TRPM2: variants seen among roughly 807,000 people sequenced by gnomAD.
TRPM2 encodes transient receptor potential cation channel subfamily M member 2.
Under a neutral mutation model 174.0 loss-of-function variants are expected in TRPM2, and 161 were observed. The ratio of observed to expected loss-of-function variants is 0.93; its 90% CI spans 0.81 to 1.05. The LOEUF is 1.05. Among genes scored for constraint, TRPM2 ranks in the 50% least tolerant of loss-of-function variants. The pLI is 0.00. For synonymous variants in TRPM2, 954 were observed against 861.3 expected, an observed-to-expected ratio of 1.11 and a Z score of -1.88; for missense variants, 2,057 against 2,038.0, an observed-to-expected ratio of 1.01 and a Z score of -0.18.
chr21:44,379,324 G>C (rs1377791754), intron 8 of TRPM2, 127 bp downstream of exon 8: 1 of 1,127,930 alleles, frequency 8.9e-7, no homozygotes, highest in Non-Finnish European at 1.3e-6. Flanking sequence ...GGGTGCCAGA[G>C]CGATTTGCAG....
intron 11 of TRPM2, among the ~76,000 whole-genome samples, chr21:44,393,251 A>G (rs1602203759): frequency 6.6e-6 from 1 of 151,826 alleles, no homozygotes; most frequent in East Asian, 1.9e-4. Context: ...GGGAGTATTT[A>G]TCTCTGATTC....
chr21:44,350,972 C>G (rs1041060836), upstream of TRPM2, among the ~76,000 whole-genome samples: 8 of 152,166 alleles, frequency 5.3e-5, no homozygotes, highest in African/African-American at 1.9e-4. Context: ...GTCTCCGAAG[C>G]GCTGGCTTTC....
chr21:44,359,761 T>A (rs934934608), intron 2 of TRPM2, among the ~76,000 whole-genome samples: 3 of 149,174 alleles, frequency 2.0e-5, no homozygotes, highest in African/African-American at 7.6e-5. Flanking sequence ...ATATATATTT[T>A]TTTTGAGACG....
At chr21:44,379,287 G>C (rs1004192058) in intron 8 of TRPM2, 90 bp downstream of exon 8, 2 of 1,453,622 alleles carry the variant, frequency 1.4e-6, no homozygotes, top group Admixed American at 3.6e-5. Context: ...CTCATGGACC[G>C]ATGCGGAGAA....
At chr21:44,404,258 TACAC>T (rs1333681664) in intron 16 of TRPM2, among the ~76,000 whole-genome samples, 8 of 151,142 alleles carry the variant, frequency 5.3e-5, no homozygotes, top group South Asian at 2.1e-4. Context: ...CATGCATACA[TACAC>T]AATACATGCA....
chr21:44,439,280 C>A lies in TRPM2; in HGVS notation c.4269+112C>A. ...CACCACTGGGTGGCAGCGGTCCCAC[C>A]CAGCTTCACCAGGTGACGGTGGTCC... On this transcript the variant is annotated intron_variant, in intron 30 of 31. Transcript: ENST00000397928. This position sits in a 1 kb window ranked among gnomAD's most constrained non-coding sequence, Gnocchi z 5.1. The A allele has an allele frequency of 1.1e-6, 1 of 906,008 alleles. No homozygotes were observed. Among genetic ancestry groups the A allele is most frequent in the Non-Finnish European group, 1.7e-6 (1 of 581,320 alleles). The allele number at this position is 906,008 out of a possible 1,614,324, so 56.1% of individuals were successfully genotyped here. A position where few individuals can be genotyped will look rare whatever the true frequency, so the allele number is the denominator to read the frequency against.
intron 31 of TRPM2, among the ~76,000 whole-genome samples, chr21:44,441,117 CCTGGGGCCCAGGGCCAGAAA>C (rs2051488762): frequency 6.6e-6 from 1 of 152,146 alleles, no homozygotes; most frequent in Non-Finnish European, 1.5e-5. Context: ...TGGCCGTGCT[CCTGGGGCCCAGGGCCAGAAA>C]CTGGAGGCTA....
At chr21:44,414,265 C>T (rs967718131) in intron 20 of TRPM2, among the ~76,000 whole-genome samples, 191 bp downstream of exon 20, 4 of 152,158 alleles carry the variant, frequency 2.6e-5, no homozygotes, top group Non-Finnish European at 5.9e-5. Context: ...CTTGAGCTGG[C>T]GTGAGTCTGT....
At position 44,407,584 on chromosome 21, in the gene TRPM2, C is replaced by T. The variant is rs1391022179; in HGVS notation, c.2962+819C>T. Among the ~76,000 whole-genome samples the T allele has an allele frequency of 2.0e-5, 3 of 150,538 alleles. No homozygotes were observed. In the Admixed American group the frequency reaches 2.0e-4, roughly 10 times the overall value. ...AACATCTGCATCACCCTGAAAAGAC[C>T]CTGCATACTCACAGTCACTCCCGTT... On this transcript the variant is annotated intron_variant, in intron 19 of 31. Coordinates refer to ENST00000397928, the MANE Select transcript of TRPM2 (RefSeq NM_003307.4).
upstream of TRPM2, among the ~76,000 whole-genome samples, chr21:44,351,042 T>C (rs1227329520): frequency 6.6e-6 from 1 of 151,880 alleles, no homozygotes; most frequent in African/African-American, 2.4e-5. Context: ...GGCCACACGG[T>C]GTACCGAGGG....
chr21:44,352,185 AG>A (rs1198991401), upstream of TRPM2, among the ~76,000 whole-genome samples: 1 of 152,218 alleles, frequency 6.6e-6, no homozygotes, highest in Non-Finnish European at 1.5e-5. Flanking sequence ...CTGCGGGGAC[AG>A]CTCATGGCCC....
chr21:44,410,958 C>T (rs2050090008), intron 19 of TRPM2, among the ~76,000 whole-genome samples: 1 of 149,906 alleles, frequency 6.7e-6, no homozygotes, highest in African/African-American at 2.5e-5. Context: ...GTGAGCGTAG[C>T]CTTATAGTAA....
chr21:44,397,897 G>A (rs1314616087), intron 13 of TRPM2, 21 bp downstream of exon 13: 3 of 1,573,998 alleles, frequency 1.9e-6, no homozygotes, highest in Non-Finnish European at 1.7e-6. Flanking sequence ...CCGGGCACGG[G>A]CTGCAGGCCA....
chr21:44,391,450 T>C lies in TRPM2; in HGVS notation c.1619T>C (p.Leu540Pro). Residue 540 changes from leucine (L) to proline (P), a missense_variant, in exon 11 of 32, where the codon CTG (leucine) becomes CCG (proline). Coordinates refer to ENST00000397928, the MANE Select transcript of TRPM2 (RefSeq NM_003307.4). The surrounding 1 kb of genome is among the most constrained non-coding windows in gnomAD (Gnocchi z 5.0). Reference sequence around the variant, plus strand: ...TTCCACAGCAAGCTGCAGAAGGTGCTGGTGGAGGATCCCGAGCGCCCGGCT... The same window carrying C: ...TTCCACAGCAAGCTGCAGAAGGTGCCGGTGGAGGATCCCGAGCGCCCGGCT... ...CLFHSKLQKV[L>P]VEDPERPACA... 1 of 1,613,664 alleles carries C rather than the reference T, an allele frequency of 6.2e-7. No individual in the cohort carries two copies. Among genetic ancestry groups the C allele is most frequent in the Non-Finnish European group, 8.5e-7 (1 of 1,180,002 alleles).
At chr21:44,407,300 A>AT (rs1264792841) in intron 19 of TRPM2, among the ~76,000 whole-genome samples, 1 of 147,656 alleles carries the variant, frequency 6.8e-6, no homozygotes. Context: ...TAATTTTTGT[A>AT]TTTTTTGTAG....
chr21:44,350,954 C>T (rs2122996479), upstream of TRPM2, among the ~76,000 whole-genome samples: 13 of 152,328 alleles, frequency 8.5e-5, no homozygotes, highest in East Asian at 2.3e-3. Context: ...CCCGCCTCTG[C>T]CTGCCCAGTC....
chr21:44,354,699 G>A lies in TRPM2; in HGVS notation c.217G>A (p.Val73Met), dbSNP rs759178437. Residue 73 changes from valine to methionine, a missense_variant, in exon 2 of 32, where the codon GTG becomes ATG. Physicochemically the swap from Val to Met is conservative, Grantham distance 21 (BLOSUM62 1). Coordinates refer to ENST00000397928, the MANE Select transcript of TRPM2 (RefSeq NM_003307.4). The surrounding 1 kb of genome is among the most constrained non-coding windows in gnomAD (Gnocchi z 4.3). ...TGAAAACATCAAGAAGAAAGAATGC[G>A]TGTATTTTGTGGAAAGTTCCAAACT... is the stretch of plus-strand genomic sequence containing the variant. ...IPENIKKKEC[V>M]YFVESSKLSD... 16 of 1,614,078 alleles carry A rather than the reference G, an allele frequency of 9.9e-6. No individual in the cohort carries two copies. The East Asian group carries it at 2.7e-4, about 27-fold the overall frequency.
chr21:44,382,649 C>T (rs1407199497), intron 8 of TRPM2, 69 bp from the exon 9 acceptor site: 2 of 1,500,030 alleles, frequency 1.3e-6, no homozygotes, highest in East Asian at 4.7e-5. Flanking sequence ...GGCCTCAATT[C>T]TATGTGTCCT....
rs2049628764 is a variant in TRPM2 at position 44,401,812 on chromosome 21, T to C, written c.2453T>C (p.Met818Thr). 1.2e-6 allele frequency: 2 copies of C among 1,613,924 alleles called. No homozygotes were observed. The highest frequency in any genetic ancestry group is 1.7e-6 in the Non-Finnish European group (2 of 1,180,016). Reference sequence around the variant, plus strand: ...CTCTGCCTGTTCGCCTACGTGCTCATGGTGGACTTCCAGCCTGTGCCCTCC... The same window carrying C: ...CTCTGCCTGTTCGCCTACGTGCTCACGGTGGACTTCCAGCCTGTGCCCTCC... Reference protein sequence around the residue: ...AFLCLFAYVLMVDFQPVPSWC... With the variant: ...AFLCLFAYVLTVDFQPVPSWC... The change falls in exon 16 of 32, where the codon ATG becomes ACG. Residue 818 changes from methionine (M) to threonine (T), a missense_variant. By Grantham distance (81) the Met-to-Thr change is moderately conservative. Coordinates refer to ENST00000397928, the MANE Select transcript of TRPM2 (RefSeq NM_003307.4).
Sources: gnomAD v4.1 joint callset for allele counts (sites outside exome capture counted in the v4.1 genomes callset) on GRCh38, gnomAD v4.1.1 for gene constraint, Gnocchi (gnomAD v3.1) non-coding constraint, MANE v1.5 for transcripts, NCBI Gene and HGNC (gene_info 2026-07-23, HGNC 2026-07-21) for gene names.